PCNX2: variants seen among roughly 807,000 people sequenced by gnomAD.
PCNX2 encodes the protein pecanex-like protein 2.
Under a neutral mutation model 223.8 loss-of-function variants are expected in PCNX2, and 168 were observed. The observed-to-expected ratio is 0.75, with a 90% CI of 0.66 to 0.85. PCNX2 has a LOEUF of 0.85. Ranked by LOEUF, PCNX2 falls within the 40% of genes least tolerant of loss-of-function variation. PCNX2 has a pLI of 0.00. For synonymous variants in PCNX2, 1,006 were observed against 1,052.6 expected (o/e 0.96, Z 0.86); for missense variants, 2,507 against 2,675.5 (o/e 0.94, Z 1.39).
rs150211901 is a variant in PCNX2 at position 232,991,776 on chromosome 1, C to T, written c.5792-5236G>A. ...CAAGCTAGGGAAGGGTCCTGGACCC[C>T]ACTCCCCTCCAGCCCTCAGGAGGAA... is the stretch of plus-strand genomic sequence containing the variant. On this transcript the variant is annotated intron_variant, in intron 32 of 33. Coordinates refer to ENST00000258229, the MANE Select transcript of PCNX2 (RefSeq NM_014801.4). This position sits in a 1 kb window ranked among gnomAD's most constrained non-coding sequence, Gnocchi z 4.3. Among the ~76,000 whole-genome samples, 229 of 152,194 alleles carry T rather than the reference C, an allele frequency of 1.5e-3. 1 individual carries two copies. Among genetic ancestry groups the T allele is most frequent in the African/African-American group, 5.3e-3 (219 of 41,530 alleles).
rs1007355578 is a variant in PCNX2, at chr1:233,262,168, A to C, written c.360-3T>G. 1.9e-6 allele frequency: 3 copies of C among 1,613,634 alleles called. No individual in the cohort carries two copies. Among genetic ancestry groups the C allele is most frequent in the Non-Finnish European group, 2.5e-6 (3 of 1,179,658 alleles). ...CATTGTGAATCTGCCTATTATTGCT[A>C]ACCCAACATGAGAAACACAAGAGCA... On this transcript the variant is annotated splice_polypyrimidine_tract_variant and splice_region_variant and intron_variant, in intron 2 of 33. Transcript: ENST00000258229.
chr1:233,267,515 TC>T, intron 1 of PCNX2, among the ~76,000 whole-genome samples: 1 of 151,784 alleles, frequency 6.6e-6, no homozygotes, highest in East Asian at 1.9e-4. Context: ...AAACACTAAC[TC>T]CCCATTCTCC....
Position 233,269,907 on chromosome 1 carries a change from A to G in PCNX2, c.154-6744T>C, listed in dbSNP as rs115337000. On this transcript the variant is annotated intron_variant, in intron 1 of 33. Transcript: ENST00000258229. The stretch of plus-strand genomic sequence containing the variant: ...TGCTGGAAGACTGACAAGTTCTACA[A>G]CTATTTGAAAACCACAGGTTCATCC... Among the ~76,000 whole-genome samples the G allele has an allele frequency of 2.9e-3, 444 of 152,346 alleles. 2 individuals carry two copies. The highest frequency in any genetic ancestry group is 0.01 in the African/African-American group (426 of 41,570).
At chr1:233,319,149 C>A in the PCNX2 span, among the ~76,000 whole-genome samples, 2 of 152,138 alleles carry the variant, frequency 1.3e-5, no homozygotes, top group African/African-American at 4.8e-5. Context: ...TCTGTAAGAC[C>A]CTCGATGGCA....
At chr1:233,151,200 T>TA (rs1263981283) in intron 19 of PCNX2, among the ~76,000 whole-genome samples, 1 of 152,200 alleles carries the variant, frequency 6.6e-6, no homozygotes, top group African/African-American at 2.4e-5. Flanking sequence ...CAAGGTTACT[T>TA]AAAAACACCA....
At position 232,986,561 on chromosome 1, in the gene PCNX2, C is replaced by G. The variant is rs367983417; in HGVS notation, c.5792-21G>C. 13 of 1,494,132 alleles carry G rather than the reference C, an allele frequency of 8.7e-6. No homozygotes were observed. The African/African-American group carries it at 1.7e-4, about 19-fold the overall frequency. The allele number at this position is 1,494,132 out of a possible 1,614,324, so 92.6% of individuals were successfully genotyped here. A position where few individuals can be genotyped will look rare whatever the true frequency, so the allele number is the denominator to read the frequency against. On this transcript the variant is annotated intron_variant, in intron 32 of 33. Coordinates refer to ENST00000258229, the MANE Select transcript of PCNX2 (RefSeq NM_014801.4). Reference sequence around the variant, plus strand: ...CCTGCCTTTAAAAGAAAGCAGAACACAGAGTTGTAGCGGGTGGGTCATGAA... The same window carrying G: ...CCTGCCTTTAAAAGAAAGCAGAACAGAGAGTTGTAGCGGGTGGGTCATGAA...
At chr1:233,006,796 T>A (rs974946434) in intron 28 of PCNX2, among the ~76,000 whole-genome samples, 2 of 152,148 alleles carry the variant, frequency 1.3e-5, no homozygotes, top group Admixed American at 1.3e-4. Context: ...CTGCCATAAA[T>A]GGAACGCTTG....
intron 25 of PCNX2, among the ~76,000 whole-genome samples, chr1:233,027,081 T>C (rs1671104217): frequency 6.6e-6 from 1 of 151,334 alleles, no homozygotes; most frequent in Non-Finnish European, 1.5e-5. Flanking sequence ...CCCAATAAAG[T>C]GATAGAGCAG....
intron 21 of PCNX2, among the ~76,000 whole-genome samples, chr1:233,102,577 C>T (rs1674545492): frequency 6.6e-6 from 1 of 152,084 alleles, no homozygotes; most frequent in Non-Finnish European, 1.5e-5. Flanking sequence ...GAGATGATAG[C>T]TGATTGTGGT....
intron 1 of PCNX2, among the ~76,000 whole-genome samples, chr1:233,281,498 T>A (rs923568730): frequency 6.6e-6 from 1 of 152,226 alleles, no homozygotes; most frequent in Non-Finnish European, 1.5e-5. Context: ...CTATACTTAA[T>A]ATCAGTCAGT....
chr1:233,077,745 C>T (rs1673160358), intron 23 of PCNX2, among the ~76,000 whole-genome samples: 2 of 151,946 alleles, frequency 1.3e-5, no homozygotes, highest in Admixed American at 1.3e-4. Context: ...TATTAAATTG[C>T]CCTTATTTTT....
intron 21 of PCNX2, among the ~76,000 whole-genome samples, chr1:233,125,452 C>T (rs893791465): frequency 1.3e-5 from 2 of 152,206 alleles, no homozygotes; most frequent in African/African-American, 4.8e-5. Context: ...GCTTCTAAAA[C>T]ACTCACATGC....
intron 15 of PCNX2, among the ~76,000 whole-genome samples, chr1:233,190,349 AAGGAC>A (rs1680349996): frequency 6.6e-6 from 1 of 152,152 alleles, no homozygotes. Flanking sequence ...CTTGTTTCCT[AAGGAC>A]CCTCTTGACA....
rs190376649 is a variant in PCNX2, at chr1:233,062,900, C to A, written c.4077-5610G>T. 1.1e-3 allele frequency among the ~76,000 whole-genome samples: 164 copies of A among 151,986 alleles called. 2 individuals carry two copies. Among genetic ancestry groups the A allele is most frequent in the Non-Finnish European group, 1.3e-4 (9 of 67,990 alleles). ...GAAAACATAAATGAAATAGGTAATCCCCTACAAAGCTGTAACATACTAAAA... is the reference window on the plus strand; with the variant it reads ...GAAAACATAAATGAAATAGGTAATCACCTACAAAGCTGTAACATACTAAAA... On this transcript the variant is annotated intron_variant, in intron 23 of 33. Transcript: ENST00000258229.
chr1:233,280,692 T>G (rs1040901479), intron 1 of PCNX2, among the ~76,000 whole-genome samples: 3 of 152,184 alleles, frequency 2.0e-5, no homozygotes, highest in African/African-American at 7.2e-5. Flanking sequence ...CATTACACCC[T>G]CAGCACCCAG....
intron 33 of PCNX2, chr1:232,984,738 T>TG: frequency 5.1e-6 from 2 of 395,128 alleles, no homozygotes; most frequent in Non-Finnish European, 4.5e-6. Context: ...AGAGCGGCCC[T>TG]GGGGGGAAGG....
Position 233,249,437 on chromosome 1 carries a change from A to G in PCNX2, c.2222+1302T>C, listed in dbSNP as rs141339065. Among the ~76,000 whole-genome samples, 143 of 152,368 alleles carry G rather than the reference A, an allele frequency of 9.4e-4. 1 individual carries two copies. Among genetic ancestry groups the G allele is most frequent in the African/African-American group, 3.3e-3 (139 of 41,574 alleles). On this transcript the variant is annotated intron_variant, in intron 8 of 33. Coordinates refer to ENST00000258229, the MANE Select transcript of PCNX2 (RefSeq NM_014801.4). ...GAGAAAGCTGCCATCTTAGATGACT[A>G]AACTCATCAAACCATCATAACGTCT...
At chr1:233,231,605 G>C in intron 9 of PCNX2, 1 of 962,398 alleles carries the variant, frequency 1.0e-6, no homozygotes, top group Non-Finnish European at 1.2e-6. Flanking sequence ...TTCTCAGAAC[G>C]TATCTGTAGA....
At chr1:233,237,224 G>A (rs772647525) in intron 8 of PCNX2, among the ~76,000 whole-genome samples, 45 of 152,168 alleles carry the variant, frequency 3.0e-4, no homozygotes, top group Admixed American at 5.2e-4. Flanking sequence ...TCATAGGGCA[G>A]GTAGGTAGAT....
Sources: gnomAD v4.1 joint callset for allele counts (sites outside exome capture counted in the v4.1 genomes callset) on GRCh38, gnomAD v4.1.1 for gene constraint, Gnocchi (gnomAD v3.1) non-coding constraint, MANE v1.5 for transcripts, NCBI Gene and HGNC (gene_info 2026-07-23, HGNC 2026-07-21) for gene names.